The following LRRC28 variants were observed in gnomAD, a reference collection of about 807,000 sequenced individuals.
The protein encoded by LRRC28 is leucine-rich repeat-containing protein 28.
A neutral mutation model predicts 45.7 loss-of-function variants in LRRC28; 39 were observed. The observed-to-expected ratio is 0.85, with a 90% confidence interval of 0.66 to 1.12. The LOEUF (loss-of-function observed/expected upper bound fraction) is 1.12. Among genes scored for constraint, LRRC28 ranks in the 50% most tolerant of loss-of-function variants. The pLI, the probability that LRRC28 is intolerant of heterozygous loss-of-function variation, is 0.00. For missense variants in LRRC28, 435 were observed against 438.5 expected (o/e 0.99, Z 0.07); for synonymous variants, 206 against 178.8 (o/e 1.15, Z -1.22).
intron 9 of LRRC28, among the ~76,000 whole-genome samples, chr15:99,368,803 A>T (rs1201097977): frequency 6.6e-6 from 1 of 152,234 alleles, no homozygotes; most frequent in East Asian, 1.9e-4. Context: ...CATGTTTTAC[A>T]ATATGAATAG....
chr15:99,285,056 C>G (rs1160419848), intron 3 of LRRC28: 2 of 665,842 alleles, frequency 3.0e-6, no homozygotes, highest in East Asian at 2.9e-5. Context: ...TTCCTGACTT[C>G]ACAGTTGTGG....
chr15:99,373,715 T>A (rs1224725675), intron 9 of LRRC28, among the ~76,000 whole-genome samples: 1 of 152,152 alleles, frequency 6.6e-6, no homozygotes, highest in African/African-American at 2.4e-5. Flanking sequence ...AACTCAAAAT[T>A]TACAGAATTT....
chr15:99,273,554 G>A (rs1011949054), intron 2 of LRRC28, among the ~76,000 whole-genome samples: 4 of 152,210 alleles, frequency 2.6e-5, no homozygotes, highest in African/African-American at 9.6e-5. Context: ...TGTGTTTTAA[G>A]GCGTTATTCT....
chr15:99,296,178 C>A (rs1567637779), intron 5 of LRRC28, among the ~76,000 whole-genome samples: 1 of 152,302 alleles, frequency 6.6e-6, no homozygotes, highest in South Asian at 2.1e-4. Context: ...GGTGCTGATC[C>A]CACCTTGTAG....
chr15:99,307,372 A>G (rs1023346795), intron 5 of LRRC28, among the ~76,000 whole-genome samples: 1 of 152,224 alleles, frequency 6.6e-6, no homozygotes, highest in Non-Finnish European at 1.5e-5. Flanking sequence ...GCCATCCAAA[A>G]GTGTGAAAGA....
intron 2 of LRRC28, among the ~76,000 whole-genome samples, chr15:99,273,843 A>C (rs1177014267): frequency 6.6e-6 from 1 of 152,226 alleles, no homozygotes; most frequent in Non-Finnish European, 1.5e-5. Context: ...AACTAGGTGA[A>C]GGTCTAACAG....
At chr15:99,371,468 C>G (rs1957482285) in intron 9 of LRRC28, among the ~76,000 whole-genome samples, 1 of 152,136 alleles carries the variant, frequency 6.6e-6, no homozygotes, top group African/African-American at 2.4e-5. Flanking sequence ...TTTTGTCTTT[C>G]AAAACAACTA....
In LRRC28 at chr15:99,361,459, G is replaced by T; in HGVS notation, c.819G>T (p.Leu273=). ...IGTEHDHVLP[L]QELAMRGLYH... ...CGGAGCATGATCACGTCCTCCCTCT[G>T]CAGGAATTGGCTATGAGAGGGCTGT... Residue 273 remains leucine, a synonymous_variant, in exon 8 of 10, where the codon CTG becomes CTT. Transcript: ENST00000301981. 2 of 1,613,770 alleles carry T rather than the reference G, an allele frequency of 1.2e-6. No individual in the cohort carries two copies. Among genetic ancestry groups the T allele is most frequent in the South Asian group, 1.1e-5 (1 of 91,038 alleles).
intron 5 of LRRC28, among the ~76,000 whole-genome samples, chr15:99,310,352 T>C (rs752996156): frequency 1.3e-5 from 2 of 152,244 alleles, no homozygotes; most frequent in Non-Finnish European, 1.5e-5. Flanking sequence ...AACCAACATT[T>C]GTAATTTCTA....
chr15:99,320,321 AC>A (rs1431630063), intron 5 of LRRC28, among the ~76,000 whole-genome samples: 1 of 152,138 alleles, frequency 6.6e-6, no homozygotes, highest in Non-Finnish European at 1.5e-5. Flanking sequence ...ACTAAATATA[AC>A]CTGCCACACA....
At chr15:99,276,200 A>G (rs1422663775) in intron 2 of LRRC28, among the ~76,000 whole-genome samples, 2 of 152,062 alleles carry the variant, frequency 1.3e-5, no homozygotes, top group Non-Finnish European at 2.9e-5. Context: ...GGTGAGTTGT[A>G]TAATTATTTC....
chr15:99,252,995 T>A (rs2080894079), intron 1 of LRRC28, among the ~76,000 whole-genome samples: 1 of 152,216 alleles, frequency 6.6e-6, no homozygotes, highest in Non-Finnish European at 1.5e-5. Context: ...GCTTTTTGGC[T>A]TTATTGACAA....
chr15:99,260,010 A>G (rs1428640483), intron 2 of LRRC28: 1 of 602,990 alleles, frequency 1.7e-6, no homozygotes, highest in East Asian at 3.1e-5. Context: ...GCTGAAAAAG[A>G]TGAATTGTAA....
chr15:99,266,471 T>TA (rs35838795), intron 2 of LRRC28, among the ~76,000 whole-genome samples: 343 of 145,968 alleles, frequency 2.3e-3, no homozygotes, highest in Non-Finnish European at 3.8e-3. Context: ...AGACCTTGTC[T>TA]AAAAAAAAAA....
At chr15:99,258,471 C>T in intron 2 of LRRC28, 1 of 798,466 alleles carries the variant, frequency 1.3e-6, no homozygotes, top group Non-Finnish European at 2.2e-6. Context: ...TATGGAGCAG[C>T]AAGACTGAAA....
At chr15:99,275,899 G>A (rs2081604914) in intron 2 of LRRC28, among the ~76,000 whole-genome samples, 1 of 152,158 alleles carries the variant, frequency 6.6e-6, no homozygotes, top group Non-Finnish European at 1.5e-5. Flanking sequence ...TAGGAACGGG[G>A]CCGCACAGCA....
chr15:99,274,307 A>G (rs781026115), intron 2 of LRRC28, among the ~76,000 whole-genome samples: 18 of 152,220 alleles, frequency 1.2e-4, no homozygotes, highest in Non-Finnish European at 2.5e-4. Context: ...GTATGCCAGT[A>G]TGACATTAAT....
At chr15:99,318,320 C>G (rs893955935) in intron 5 of LRRC28, among the ~76,000 whole-genome samples, 10 of 152,006 alleles carry the variant, frequency 6.6e-5, no homozygotes, top group African/African-American at 2.4e-4. Context: ...TAATTCTTAG[C>G]TAAAGTAAAT....
intron 6 of LRRC28, among the ~76,000 whole-genome samples, chr15:99,343,311 G>T (rs1348182683): frequency 1.3e-5 from 2 of 152,160 alleles, no homozygotes; most frequent in African/African-American, 4.8e-5. Context: ...ATCCTGTTCT[G>T]TCCTCTCCTG....
Sources: gnomAD v4.1 joint callset for allele counts (sites outside exome capture counted in the v4.1 genomes callset) on GRCh38, gnomAD v4.1.1 for gene constraint, MANE v1.5 for transcripts, NCBI Gene and HGNC (gene_info 2026-07-23, HGNC 2026-07-21) for gene names.